Variants in POP4 observed in about 807,000 individuals in gnomAD.
The protein encoded by POP4 is ribonuclease P protein subunit p29.
In POP4, 31 loss-of-function variants were observed where a neutral mutation model predicts 29.9. The ratio of observed to expected loss-of-function variants is 1.04; its 90% CI spans 0.78 to 1.40. POP4 has a LOEUF of 1.40. Ranked by LOEUF, POP4 falls within the 40% of genes most tolerant of loss-of-function variation. The pLI is 0.00. For missense variants in POP4, 286 were observed against 282.7 expected (o/e 1.01, Z -0.08); for synonymous variants, 110 against 108.2 (o/e 1.02, Z -0.10).
intron 2 of POP4, 61 bp from the exon 3 acceptor site, chr19:29,610,348 C>G: frequency 6.9e-7 from 1 of 1,440,576 alleles, no homozygotes; most frequent in South Asian, 1.4e-5. Context: ...GGCGGGATGC[C>G]TGGGATCCTG....
Position 29,607,632 on chromosome 19 carries a change from G to C in POP4, c.8-1025G>C, listed in dbSNP as rs371318144. Among the ~76,000 whole-genome samples the C allele has an allele frequency of 3.3e-5, 5 of 152,292 alleles. No individual in the cohort carries two copies. The South Asian group carries it at 1.0e-3, about 32-fold the overall frequency. ...CTTATTCCATTCACACCTGTACTCT[G>C]TCCCCAGTGCCATGGTTTTCTTCTT... is the stretch of plus-strand genomic sequence containing the variant. On this transcript the variant is annotated intron_variant, in intron 1 of 6. Coordinates refer to ENST00000585603, the MANE Select transcript of POP4 (RefSeq NM_006627.3).
chr19:29,613,694 G>T, intron 5 of POP4, 177 bp from the exon 6 acceptor site: 1 of 954,584 alleles, frequency 1.0e-6, no homozygotes. Context: ...GGGAAGCCTG[G>T]ATTCTTGTTG....
chr19:29,612,097 G>A lies in POP4; in HGVS notation c.363-20G>A. 6.2e-7 allele frequency: 1 copy of A among 1,601,952 alleles called. No individual in the cohort carries two copies. The highest frequency in any genetic ancestry group is 8.5e-7 in the Non-Finnish European group (1 of 1,176,356). On this transcript the variant is annotated intron_variant, in intron 4 of 6. Transcript: ENST00000585603. ...ACTTTTTATCATGATGTAAACCAAG[G>A]GCTTCTGTTTACCCTGCAGGCAGCC... is the stretch of plus-strand genomic sequence containing the variant.
Position 29,611,868 on chromosome 19 carries a change from C to T in POP4, c.291C>T (p.Ser97=). 1 of 1,614,096 alleles carries T rather than the reference C, an allele frequency of 6.2e-7. No individual in the cohort carries two copies. The highest frequency in any genetic ancestry group is 8.5e-7 in the Non-Finnish European group (1 of 1,179,936). Residue 97 remains serine (S), a synonymous_variant, in exon 4 of 7, where the codon AGC becomes AGT. Coordinates refer to ENST00000585603, the MANE Select transcript of POP4 (RefSeq NM_006627.3). ...FDIKPEQQRY[S]LFLPLHELWK... ...GTTTCTGACTTTGCTGCAGATACAGCCTTTTCCTCCCTCTCCATGAACTCT... is the reference window on the plus strand; with the variant it reads ...GTTTCTGACTTTGCTGCAGATACAGTCTTTTCCTCCCTCTCCATGAACTCT...
rs116454684 is a variant in POP4 at position 29,610,664 on chromosome 19, C to G, written c.284+32C>G. On this transcript the variant is annotated intron_variant, in intron 3 of 6. Coordinates refer to ENST00000585603, the MANE Select transcript of POP4 (RefSeq NM_006627.3). ...CGAGCTCCCCACGTCTTTCTGCCCG[C>G]GGTGCTTACCCTTCTTGGTGTGTGA... is the stretch of plus-strand genomic sequence containing the variant. 7,964 of 1,599,180 alleles carry G rather than the reference C, an allele frequency of 5.0e-3. 289 individuals carry two copies. In the African/African-American group the frequency reaches 0.087, roughly 18 times the overall value.
chr19:29,608,719 T>A lies in POP4; in HGVS notation c.60+10T>A, dbSNP rs763012902. The A allele has an allele frequency of 6.8e-6, 11 of 1,613,322 alleles. No homozygotes were observed. Among genetic ancestry groups the A allele is most frequent in the Non-Finnish European group, 8.5e-6 (10 of 1,179,244 alleles). ...TGACTCCGATGTCCAGGTCAGTTCTTGGCAGGGAGTCCAGGAGCAACAGAG... is the reference window on the plus strand; with the variant it reads ...TGACTCCGATGTCCAGGTCAGTTCTAGGCAGGGAGTCCAGGAGCAACAGAG... On this transcript the variant is annotated intron_variant, in intron 2 of 6. Transcript: ENST00000585603.
At chr19:29,614,481 G>T (rs1347431415) in intron 6 of POP4, among the ~76,000 whole-genome samples, 1 of 150,882 alleles carries the variant, frequency 6.6e-6, no homozygotes, top group African/African-American at 2.4e-5. Context: ...TCAAACCATA[G>T]TTAGAAGGTT....
chr19:29,608,687 A>T lies in POP4; in HGVS notation c.38A>T (p.Glu13Val), dbSNP rs561827225. Reference sequence around the variant, plus strand: ...ATCTACCATGCATTGTCTCAGAAAGAGGCGAATGACTCCGATGTCCAGGTC... The same window carrying T: ...ATCTACCATGCATTGTCTCAGAAAGTGGCGAATGACTCCGATGTCCAGGTC... ...SVIYHALSQKEANDSDVQPSG... is the reference protein window; with the variant it reads ...SVIYHALSQKVANDSDVQPSG... Residue 13 changes from glutamate (E) to valine (V), a missense_variant, in exon 2 of 7, where the codon GAG (glutamate) becomes GTG (valine). By Grantham distance (121) the Glu-to-Val change is moderately radical (BLOSUM62 -2). Coordinates refer to ENST00000585603, the MANE Select transcript of POP4 (RefSeq NM_006627.3). The T allele has an allele frequency of 1.1e-5, 17 of 1,614,040 alleles. No homozygotes were observed. The South Asian group carries it at 1.5e-4, about 15-fold the overall frequency.
intron 2 of POP4, 85 bp from the exon 3 acceptor site, chr19:29,610,324 T>G (rs1971048535): frequency 7.7e-7 from 1 of 1,295,088 alleles, no homozygotes; most frequent in African/African-American, 1.5e-5. Context: ...TTGCAGTAGC[T>G]GCCGGGAATG....
chr19:29,606,698 C>T (rs1384794859), intron 1 of POP4, among the ~76,000 whole-genome samples: 1 of 152,098 alleles, frequency 6.6e-6, no homozygotes, highest in East Asian at 1.9e-4. Flanking sequence ...GCGCCGAGAG[C>T]TGCTGGGGAA....
At chr19:29,611,831 A>G (rs931162498) in intron 3 of POP4, 31 bp from the exon 4 acceptor site, 3 of 1,588,940 alleles carry the variant, frequency 1.9e-6, no homozygotes, top group African/African-American at 2.7e-5. Flanking sequence ...CATGTTGTCT[A>G]ACTTTTTCCC....
At chr19:29,611,503 C>T (rs755252190) in intron 3 of POP4, 4 of 237,118 alleles carry the variant, frequency 1.7e-5, no homozygotes, top group South Asian at 5.1e-5. Flanking sequence ...TGAGGACCTG[C>T]GTGACAACCA....
intron 2 of POP4, among the ~76,000 whole-genome samples, chr19:29,609,680 G>A (rs796355335): frequency 4.6e-5 from 7 of 152,332 alleles, no homozygotes; most frequent in African/African-American, 1.7e-4. Flanking sequence ...AATTACGACA[G>A]TCATTTTTCC....
In POP4 at chr19:29,608,634, ATTTCT is replaced by A; in HGVS notation, c.8-19_8-15del. ...CAGCCATACCCAACAAGAATTGATC[ATTTCT>A]TTTTTTTAATCCCCCAGGTGTGATC... On this transcript the variant is annotated intron_variant, in intron 1 of 6. Coordinates refer to ENST00000585603, the MANE Select transcript of POP4 (RefSeq NM_006627.3). 1 of 1,609,874 alleles carries A rather than the reference ATTTCT, an allele frequency of 6.2e-7. No homozygotes were observed. Among genetic ancestry groups the A allele is most frequent in the Non-Finnish European group, 8.5e-7 (1 of 1,176,644 alleles).
In POP4 at chr19:29,610,372, G is replaced by T. The variant is rs369680136; in HGVS notation, c.61-37G>T. The T allele has an allele frequency of 1.6e-4, 238 of 1,516,064 alleles. 1 individual carries two copies. The East Asian group carries it at 5.0e-3, about 32-fold the overall frequency. The allele number at this position is 1,516,064 out of a possible 1,614,324, so 93.9% of individuals were successfully genotyped here. A position where few individuals can be genotyped will look rare whatever the true frequency, so the allele number is the denominator to read the frequency against. ...CCTGGGATCCTGGGCTGCCCAGACC[G>T]GAGCAGTGAGCGCCGCACCCCCTTG... On this transcript the variant is annotated intron_variant, in intron 2 of 6. Coordinates refer to ENST00000585603, the MANE Select transcript of POP4 (RefSeq NM_006627.3).
chr19:29,613,823 C>T (rs1231216648), intron 5 of POP4, 48 bp from the exon 6 acceptor site: 14 of 1,573,634 alleles, frequency 8.9e-6, no homozygotes, highest in Non-Finnish European at 1.2e-5. Context: ...CTGTGGTTCC[C>T]CCAGCACCAC....
Position 29,613,922 on chromosome 19 carries a change from A to G in POP4, c.476A>G (p.Gln159Arg). The stretch of plus-strand genomic sequence containing the variant: ...GTGGGTATTACAGGAATCCTTCTAC[A>G]GGAAACAAAGCACATTTTCAAAATT... ...SYVGITGILL[Q>R]ETKHIFKIIT... Residue 159 changes from glutamine (Q) to arginine (R), a missense_variant, in exon 6 of 7, where the codon CAG becomes CGG. By Grantham distance (43) the Gln-to-Arg change is conservative. Transcript: ENST00000585603. The G allele has an allele frequency of 6.2e-7, 1 of 1,613,832 alleles. No individual in the cohort carries two copies. Among genetic ancestry groups the G allele is most frequent in the Non-Finnish European group, 8.5e-7 (1 of 1,179,924 alleles).
At position 29,610,426 on chromosome 19, in the gene POP4, G is replaced by T. The variant is rs920794189; in HGVS notation, c.78G>T (p.Arg26=). Residue 26 remains arginine (R), a synonymous_variant, in exon 3 of 7, where the codon CGG becomes CGT. Coordinates refer to ENST00000585603, the MANE Select transcript of POP4 (RefSeq NM_006627.3). The stretch of plus-strand genomic sequence containing the variant: ...GCCTGCAGCCTTCAGGAGCACAGCG[G>T]GCCGAGGCCTTCGTGAGGGCCTTCC... ...DSDVQPSGAQ[R]AEAFVRAFLK... The T allele has an allele frequency of 6.4e-6, 10 of 1,568,686 alleles. No homozygotes were observed. Among genetic ancestry groups the T allele is most frequent in the Non-Finnish European group, 7.8e-6 (9 of 1,157,140 alleles).
intron 6 of POP4, among the ~76,000 whole-genome samples, chr19:29,614,562 T>C (rs905970128): frequency 2.7e-5 from 4 of 149,938 alleles, no homozygotes; most frequent in African/African-American, 2.5e-5. Context: ...TGGAGTGCAG[T>C]GGCACAATCT....
Sources: gnomAD v4.1 joint callset for allele counts (sites outside exome capture counted in the v4.1 genomes callset) on GRCh38, gnomAD v4.1.1 for gene constraint, MANE v1.5 for transcripts, NCBI Gene and HGNC (gene_info 2026-07-23, HGNC 2026-07-21) for gene names.